Variants in PCTP observed in about 807,000 individuals in gnomAD.
PCTP encodes phosphatidylcholine transfer protein.
PCTP carries 27 observed loss-of-function variants against 31.0 expected under a neutral mutation model. That is an observed-to-expected ratio of 0.87 (90% confidence interval 0.64 to 1.20). The LOEUF is 1.20. Among genes scored for constraint, PCTP ranks in the 50% most tolerant of loss-of-function variants. The probability of loss-of-function intolerance (pLI) is 0.00; values close to 1 mark genes in which losing one functional copy is unlikely to be tolerated. For synonymous variants in PCTP, 108 were observed against 101.2 expected (o/e 1.07, Z -0.40); for missense variants, 287 against 268.2 (o/e 1.07, Z -0.49).
intron 3 of PCTP, 67 bp from the exon 4 acceptor site, chr17:55,773,657 T>G: frequency 4.0e-6 from 6 of 1,485,890 alleles, no homozygotes; most frequent in Non-Finnish European, 5.5e-6. Context: ...TGCTTCCAGC[T>G]TGTGGCGCTT....
At chr17:55,756,346 A>C (rs1910015760) in intron 1 of PCTP, among the ~76,000 whole-genome samples, 1 of 152,216 alleles carries the variant, frequency 6.6e-6, no homozygotes, top group Non-Finnish European at 1.5e-5. Context: ...AGATAAAAGG[A>C]TAGAGAGATG....
chr17:55,812,364 A>G (rs1258006875), intron 3 of PCTP, among the ~76,000 whole-genome samples: 1 of 152,300 alleles, frequency 6.6e-6, no homozygotes, highest in East Asian at 1.9e-4. Flanking sequence ...TATTTCCCCC[A>G]TGGTACAAAG....
intron 1 of PCTP, among the ~76,000 whole-genome samples, chr17:55,757,639 T>C (rs1910114266): frequency 6.6e-6 from 1 of 152,024 alleles, no homozygotes; most frequent in Non-Finnish European, 1.5e-5. Flanking sequence ...TCTATGTTCA[T>C]GTATGTATGT....
chr17:55,766,661 T>C (rs1350800763), intron 1 of PCTP, among the ~76,000 whole-genome samples: 3 of 152,182 alleles, frequency 2.0e-5, no homozygotes, highest in African/African-American at 7.2e-5. Flanking sequence ...CAGTCTATCA[T>C]TGTTGGACAT....
rs752370465 is a variant in PCTP at position 55,774,854 on chromosome 17, G to T, written c.574G>T (p.Ala192Ser). ...QIPSWLINWA[A>S]KNGVPNFLKD... Reference sequence around the variant, plus strand: ...TCCGTCCTGGCTCATTAACTGGGCCGCCAAGGTGAGATCCCAGGAGGTGGG... The same window carrying T: ...TCCGTCCTGGCTCATTAACTGGGCCTCCAAGGTGAGATCCCAGGAGGTGGG... The change falls in exon 5 of 6, where the codon GCC becomes TCC. Residue 192 changes from alanine (A) to serine (S), a missense_variant. Transcript: ENST00000268896. The T allele has an allele frequency of 1.2e-5, 14 of 1,121,902 alleles. No individual in the cohort carries two copies. Among genetic ancestry groups the T allele is most frequent in the Non-Finnish European group, 1.6e-5 (13 of 798,438 alleles). 69.5% of individuals were successfully genotyped at this position (1,121,902 alleles called of 1,614,324 possible). A position where few individuals can be genotyped will look rare whatever the true frequency, so the allele number is the denominator to read the frequency against.
At chr17:55,839,940 A>AAAAAAAAAAC (rs1421386493) in intron 5 of PCTP, among the ~76,000 whole-genome samples, 2 of 150,378 alleles carry the variant, frequency 1.3e-5, no homozygotes, top group Non-Finnish European at 3.0e-5. Context: ...AAAAAAAAAA[A>AAAAAAAAAAC]AAAAAAACAA....
At chr17:55,811,821 C>A (rs1290552969) in intron 3 of PCTP, among the ~76,000 whole-genome samples, 4 of 152,142 alleles carry the variant, frequency 2.6e-5, no homozygotes, top group African/African-American at 4.8e-5. Flanking sequence ...TGTTTTGGCT[C>A]CCTTGTCCTG....
rs7209137 is a variant in PCTP, at chr17:55,773,943, G to T, written c.511+48G>T. Reference sequence around the variant, plus strand: ...GTGCACCCAGCCAGGGGTCCCCCACGGGAGGGCCAGGCTGATGGGGGGACA... The same window carrying T: ...GTGCACCCAGCCAGGGGTCCCCCACTGGAGGGCCAGGCTGATGGGGGGACA... On this transcript the variant is annotated intron_variant, in intron 4 of 5. Transcript: ENST00000268896. The T allele has an allele frequency of 1.4e-3, 2,180 of 1,526,672 alleles. 40 individuals are homozygous for T. The African/African-American group carries it at 0.026, about 18-fold the overall frequency. 94.6% of individuals were successfully genotyped at this position (1,526,672 alleles called of 1,614,324 possible). A position where few individuals can be genotyped will look rare whatever the true frequency, so the allele number is the denominator to read the frequency against.
chr17:55,852,059 A>T, the PCTP span, among the ~76,000 whole-genome samples: 1 of 152,126 alleles, frequency 6.6e-6, no homozygotes, highest in African/African-American at 2.4e-5. Context: ...ATTGTTTTGC[A>T]ATTTATTTTT....
chr17:55,791,632 C>T (rs1911985826), intron 3 of PCTP, among the ~76,000 whole-genome samples: 1 of 150,966 alleles, frequency 6.6e-6, no homozygotes, highest in Non-Finnish European at 1.5e-5. Flanking sequence ...GTTAGAATGG[C>T]AATCATTAAA....
At chr17:55,818,488 A>G (rs965246989) in intron 3 of PCTP, among the ~76,000 whole-genome samples, 6 of 152,214 alleles carry the variant, frequency 3.9e-5, no homozygotes, top group African/African-American at 1.4e-4. Flanking sequence ...GTAATCTTGG[A>G]CAAACTACTT....
At chr17:55,767,506 C>A in intron 2 of PCTP, 54 bp downstream of exon 2, 1 of 1,276,392 alleles carries the variant, frequency 7.8e-7, no homozygotes, top group Non-Finnish European at 1.1e-6. Flanking sequence ...CTTTTGTAGC[C>A]CAGGGTGAAG....
At chr17:55,807,706 GT>G (rs368091029) in intron 3 of PCTP, among the ~76,000 whole-genome samples, 21 of 152,126 alleles carry the variant, frequency 1.4e-4, no homozygotes, top group African/African-American at 4.8e-4. Flanking sequence ...CTGAAGATTG[GT>G]GAAATATGTT....
At chr17:55,762,647 G>A (rs193280162) in intron 1 of PCTP, among the ~76,000 whole-genome samples, 1 of 152,138 alleles carries the variant, frequency 6.6e-6, no homozygotes. Context: ...AGAGTTTGCT[G>A]TCATTGATTT....
the PCTP span, among the ~76,000 whole-genome samples, chr17:55,849,736 A>G: frequency 6.6e-6 from 1 of 152,352 alleles, no homozygotes; most frequent in East Asian, 1.9e-4. Context: ...ACACTACCCT[A>G]AGACCAAACA....
intron 1 of PCTP, among the ~76,000 whole-genome samples, chr17:55,754,200 A>C (rs977014185): frequency 2.0e-5 from 3 of 152,164 alleles, no homozygotes; most frequent in South Asian, 2.1e-4. Context: ...CAGTCCCACA[A>C]GATTAACCCC....
chr17:55,763,380 T>C (rs1910444653), intron 1 of PCTP, among the ~76,000 whole-genome samples: 1 of 152,068 alleles, frequency 6.6e-6, no homozygotes, highest in Non-Finnish European at 1.5e-5. Flanking sequence ...TTGTAAAAAG[T>C]ATAAAGAGCC....
chr17:55,802,885 AG>A (rs1912435737), intron 3 of PCTP, among the ~76,000 whole-genome samples: 1 of 152,148 alleles, frequency 6.6e-6, no homozygotes, highest in Admixed American at 6.6e-5. Flanking sequence ...GGCAAGAGAA[AG>A]ACATAAAAGG....
chr17:55,792,300 G>A (rs1393851267), intron 3 of PCTP, among the ~76,000 whole-genome samples: 4 of 144,452 alleles, frequency 2.8e-5, no homozygotes, highest in Non-Finnish European at 4.5e-5. Context: ...AAAACTTAAA[G>A]TATAATAATA....
Sources: gnomAD v4.1 joint callset for allele counts (sites outside exome capture counted in the v4.1 genomes callset) on GRCh38, gnomAD v4.1.1 for gene constraint, MANE v1.5 for transcripts, NCBI Gene and HGNC (gene_info 2026-07-23, HGNC 2026-07-21) for gene names.